The following ANKRD36 variants were observed in gnomAD, a reference collection of about 807,000 sequenced individuals.
The protein encoded by ANKRD36 is ankyrin repeat domain-containing protein 36A.
ANKRD36 carries 179 observed loss-of-function variants against 278.1 expected under a neutral mutation model. The ratio of observed to expected loss-of-function variants is 0.64; its 90% CI spans 0.57 to 0.73. The LOEUF is 0.73. ANKRD36 is among the 30% of genes least tolerant of loss of function. The pLI, the probability that ANKRD36 is intolerant of heterozygous loss-of-function variation, is 0.00. For synonymous variants in ANKRD36, 320 were observed against 641.1 expected, an observed-to-expected ratio of 0.50 and a Z score of 7.57; for missense variants, 1,159 against 1,956.7, an observed-to-expected ratio of 0.59 and a Z score of 7.69.
rs1435943254 is a variant in ANKRD36, at chr2:97,190,948, A to C, written c.2246-30A>C. 33 of 1,600,970 alleles carry C rather than the reference A, an allele frequency of 2.1e-5. 1 individual carries two copies. The Admixed American group carries it at 5.4e-4, about 26-fold the overall frequency. ...GATAACTTTATCATGTTTATATATG[A>C]GTGATTATGTATCCCTTTTTGCTTT... On this transcript the variant is annotated intron_variant, in intron 34 of 75. Coordinates refer to ENST00000420699, the MANE Select transcript of ANKRD36 (RefSeq NM_001354587.1).
At chr2:97,181,319 G>A (rs373749712) in intron 24 of ANKRD36, among the ~76,000 whole-genome samples, 9 of 151,346 alleles carry the variant, frequency 5.9e-5, no homozygotes, top group African/African-American at 1.9e-4. Context: ...CTCATCACTC[G>A]GCATATCCAC....
intron 22 of ANKRD36, among the ~76,000 whole-genome samples, chr2:97,170,486 A>G (rs2052121223): frequency 6.6e-6 from 1 of 151,992 alleles, no homozygotes; most frequent in Non-Finnish European, 1.5e-5. Context: ...TGGTGCTGGG[A>G]AAACTTTCTA....
At chr2:97,231,714 C>A (rs2072178371) in intron 67 of ANKRD36, among the ~76,000 whole-genome samples, 1 of 152,102 alleles carries the variant, frequency 6.6e-6, no homozygotes, top group African/African-American at 2.4e-5. Context: ...CAGAAACCAC[C>A]CATCTTCTGC....
intron 22 of ANKRD36, among the ~76,000 whole-genome samples, chr2:97,177,091 A>C (rs1213419185): frequency 6.6e-6 from 1 of 151,714 alleles, no homozygotes; most frequent in Non-Finnish European, 1.5e-5. Context: ...CTTCAAAGAG[A>C]ATAAAATACC....
intron 54 of ANKRD36, among the ~76,000 whole-genome samples, chr2:97,209,235 T>G (rs1294154373): frequency 2.7e-5 from 4 of 146,590 alleles, no homozygotes; most frequent in East Asian, 2.0e-4. Flanking sequence ...TGCCTTCTCA[T>G]TTATTGGGCA....
chr2:97,187,548 T>C (rs2057698059), intron 32 of ANKRD36, 147 bp downstream of exon 32: 11 of 1,261,556 alleles, frequency 8.7e-6, no homozygotes, highest in Non-Finnish European at 1.2e-5. Flanking sequence ...TCATTTGTAA[T>C]AAATTCTTGG....
chr2:97,144,749 C>G (rs1354052638), intron 10 of ANKRD36, 37 bp downstream of exon 10: 1 of 1,539,504 alleles, frequency 6.5e-7, no homozygotes, highest in East Asian at 2.4e-5. Flanking sequence ...CATGTACAGT[C>G]AAGATAGAGA....
chr2:97,175,958 A>G (rs1326830740), intron 22 of ANKRD36, among the ~76,000 whole-genome samples: 40 of 149,744 alleles, frequency 2.7e-4, no homozygotes, highest in African/African-American at 5.6e-4. Context: ...TTAATCCTGA[A>G]TTCTAGTTTG....
At chr2:97,190,148 G>C (rs2058191757) in intron 34 of ANKRD36, among the ~76,000 whole-genome samples, 1 of 90,250 alleles carries the variant, frequency 1.1e-5, no homozygotes, top group African/African-American at 2.6e-5. Context: ...CAAAAATTAT[G>C]TTGAATTCTA....
intron 68 of ANKRD36, among the ~76,000 whole-genome samples, chr2:97,240,897 A>G (rs1425969144): frequency 5.6e-5 from 6 of 106,760 alleles, no homozygotes; most frequent in Admixed American, 1.2e-4. Flanking sequence ...CTCATCCTTC[A>G]TTTCTCAGTG....
Position 97,211,658 on chromosome 2 carries a change from A to G in ANKRD36, c.3397-11A>G, listed in dbSNP as rs1425268345. ...TTATTTATTGACTGTTTTGTTTCAAATTCTATTCAGGCTATCTGTGACAAG... is the reference window on the plus strand; with the variant it reads ...TTATTTATTGACTGTTTTGTTTCAAGTTCTATTCAGGCTATCTGTGACAAG... On this transcript the variant is annotated splice_polypyrimidine_tract_variant and intron_variant, in intron 57 of 75. Transcript: ENST00000420699. 2 of 1,594,334 alleles carry G rather than the reference A, an allele frequency of 1.3e-6. No individual in the cohort carries two copies. Among genetic ancestry groups the G allele is most frequent in the Non-Finnish European group, 1.7e-6 (2 of 1,171,944 alleles).
chr2:97,198,664 T>C lies in ANKRD36; in HGVS notation c.2755+6T>C. On this transcript the variant is annotated splice_donor_region_variant and intron_variant, in intron 44 of 75. Coordinates refer to ENST00000420699, the MANE Select transcript of ANKRD36 (RefSeq NM_001354587.1). ...TGGAGAAAAAACTAAGAGAGGTAAT[T>C]TTGAAAAGAGATTTAATGTCATGTT... 6.5e-7 allele frequency: 1 copy of C among 1,540,144 alleles called. No homozygotes were observed. Among genetic ancestry groups the C allele is most frequent in the Non-Finnish European group, 8.8e-7 (1 of 1,139,396 alleles).
intron 15 of ANKRD36, among the ~76,000 whole-genome samples, chr2:97,157,314 A>G (rs1333839774): frequency 2.6e-5 from 4 of 151,016 alleles, no homozygotes; most frequent in African/African-American, 9.7e-5. Context: ...TATTATGAAC[A>G]CAAGCTTTTC....
intron 22 of ANKRD36, among the ~76,000 whole-genome samples, chr2:97,172,016 C>A (rs1266575547): frequency 6.6e-6 from 1 of 152,036 alleles, no homozygotes; most frequent in Admixed American, 6.6e-5. Flanking sequence ...GTCATGCTTT[C>A]CTGACTCTTT....
intron 16 of ANKRD36, among the ~76,000 whole-genome samples, 151 bp downstream of exon 16, chr2:97,158,318 C>T (rs538478856): frequency 3.1e-4 from 47 of 152,224 alleles, no homozygotes; most frequent in Middle Eastern, 3.4e-3. Flanking sequence ...ACTTCTACCT[C>T]CTGGGTTCAA....
chr2:97,225,104 G>C (rs537768102), intron 67 of ANKRD36, among the ~76,000 whole-genome samples: 1 of 151,894 alleles, frequency 6.6e-6, no homozygotes, highest in Non-Finnish European at 1.5e-5. Context: ...GAGTTAAAAA[G>C]TTCCTGATAT....
At chr2:97,183,833 T>C (rs1427728081) in intron 28 of ANKRD36, among the ~76,000 whole-genome samples, 179 bp downstream of exon 28, 2 of 151,684 alleles carry the variant, frequency 1.3e-5, no homozygotes, top group Admixed American at 1.3e-4. Flanking sequence ...GGCCATGATC[T>C]TAGTAACAAG....
At chr2:97,140,483 T>C (rs746350579) in intron 6 of ANKRD36, among the ~76,000 whole-genome samples, 11 of 151,642 alleles carry the variant, frequency 7.3e-5, no homozygotes, top group Non-Finnish European at 1.3e-4. Context: ...GAGAGGAAAA[T>C]AGGTAAGATA....
rs142369300 is a variant in ANKRD36, at chr2:97,243,173, G to A, written c.4308-673G>A. 1.7e-3 allele frequency among the ~76,000 whole-genome samples: 234 copies of A among 137,406 alleles called. 2 individuals carry two copies. The highest frequency in any genetic ancestry group is 2.1e-3 in the Non-Finnish European group (129 of 60,844). 90.1% of individuals were successfully genotyped at this position (137,406 alleles called of 152,430 possible). ...GGAGGTCCTGAGAACATGTGCCCGA[G>A]GTGGTCGGGGTGCAGCTTGGTTTTA... On this transcript the variant is annotated intron_variant, in intron 69 of 75. Coordinates refer to ENST00000420699, the MANE Select transcript of ANKRD36 (RefSeq NM_001354587.1).
Sources: gnomAD v4.1 joint callset for allele counts (sites outside exome capture counted in the v4.1 genomes callset) on GRCh38, gnomAD v4.1.1 for gene constraint, MANE v1.5 for transcripts, NCBI Gene and HGNC (gene_info 2026-07-23, HGNC 2026-07-21) for gene names.